The following HDAC9 variants were observed in gnomAD, a reference collection of about 807,000 sequenced individuals.
HDAC9 encodes histone deacetylase 9.
HDAC9 carries 41 observed loss-of-function variants against 139.4 expected under a neutral mutation model. The observed-to-expected ratio is 0.29, with a 90% confidence interval of 0.23 to 0.38. The LOEUF is 0.38. HDAC9 is among the 10% of genes least tolerant of loss of function. The pLI is 1.00. For synonymous variants in HDAC9, 517 were observed against 476.2 expected (o/e 1.09, Z -1.12); for missense variants, 1,147 against 1,297.0 (o/e 0.88, Z 1.78).
intron 2 of HDAC9, among the ~76,000 whole-genome samples, chr7:18,195,584 T>G (rs1790667356): frequency 6.6e-6 from 1 of 152,144 alleles, no homozygotes; most frequent in Non-Finnish European, 1.5e-5. Context: ...CAATTTCACC[T>G]ATACTCTAGG....
intron 1 of HDAC9, among the ~76,000 whole-genome samples, chr7:18,388,573 A>T (rs1455587306): frequency 6.6e-6 from 1 of 152,186 alleles, no homozygotes; most frequent in Non-Finnish European, 1.5e-5. Flanking sequence ...GTTCTGATAT[A>T]TTGCTTCTAG....
chr7:18,983,843 T>G (rs976096420), intron 25 of HDAC9, among the ~76,000 whole-genome samples: 8 of 152,156 alleles, frequency 5.3e-5, no homozygotes, highest in Admixed American at 5.2e-4. Context: ...AAAGCCATAC[T>G]CATGTCCACA....
intron 12 of HDAC9, among the ~76,000 whole-genome samples, chr7:18,681,259 G>A (rs541158976): frequency 6.6e-6 from 1 of 152,026 alleles, no homozygotes; most frequent in South Asian, 2.1e-4. Flanking sequence ...TTTCGTTTTT[G>A]AATTAGAATA....
chr7:18,982,020 A>G lies in HDAC9; in HGVS notation c.3170+6067A>G, dbSNP rs1299188686. On this transcript the variant is annotated intron_variant, in intron 25 of 25. Coordinates refer to ENST00000686413, the MANE Select transcript of HDAC9 (RefSeq NM_178425.4). Reference sequence around the variant, plus strand: ...AAATCACAGAACCAGGGAGAAGAGAATCAGGGTGGAAGAATGTGTAGATTT... The same window carrying G: ...AAATCACAGAACCAGGGAGAAGAGAGTCAGGGTGGAAGAATGTGTAGATTT... Among the ~76,000 whole-genome samples the G allele has an allele frequency of 3.3e-5, 5 of 152,308 alleles. No homozygotes were observed. The East Asian group carries it at 7.7e-4, about 24-fold the overall frequency.
chr7:18,558,374 C>G (rs1819532898), intron 2 of HDAC9, among the ~76,000 whole-genome samples: 2 of 152,106 alleles, frequency 1.3e-5, no homozygotes, highest in Admixed American at 1.3e-4. Context: ...AATAAAAATG[C>G]TATCTCAAGG....
intron 2 of HDAC9, among the ~76,000 whole-genome samples, chr7:18,219,074 A>T (rs577996958): frequency 1.8e-4 from 27 of 152,300 alleles, no homozygotes; most frequent in African/African-American, 6.5e-4. Context: ...ACTAGGTACA[A>T]TATTTTAAAA....
At chr7:18,387,015 A>C (rs1451607445) in intron 1 of HDAC9, among the ~76,000 whole-genome samples, 1 of 152,186 alleles carries the variant, frequency 6.6e-6, no homozygotes, top group East Asian at 1.9e-4. Flanking sequence ...CTGGCCTTTC[A>C]TGAAGATTGC....
intron 1 of HDAC9, among the ~76,000 whole-genome samples, chr7:18,138,445 G>C (rs901573003): frequency 1.3e-5 from 2 of 152,100 alleles, no homozygotes; most frequent in Non-Finnish European, 2.9e-5. Context: ...GATGGAGGGA[G>C]TGTGGAATAG....
intron 22 of HDAC9, among the ~76,000 whole-genome samples, chr7:18,902,041 C>T (rs1194117223): frequency 1.3e-5 from 2 of 152,178 alleles, no homozygotes; most frequent in Non-Finnish European, 2.9e-5. Context: ...TCAGTCACAA[C>T]TGCATTGTGC....
intron 12 of HDAC9, among the ~76,000 whole-genome samples, chr7:18,711,008 A>T (rs115124854): frequency 6.6e-6 from 1 of 152,240 alleles, no homozygotes; most frequent in African/African-American, 2.4e-5. Context: ...CATCTTCTGA[A>T]TATCTTCTGC....
At chr7:18,708,628 G>A (rs1784115871) in intron 12 of HDAC9, among the ~76,000 whole-genome samples, 3 of 152,156 alleles carry the variant, frequency 2.0e-5, no homozygotes, top group African/African-American at 7.2e-5. Flanking sequence ...AGCCAGGTGA[G>A]GTCTACAAGT....
chr7:18,707,720 TCTC>T (rs60400778), intron 12 of HDAC9, among the ~76,000 whole-genome samples: 2,071 of 152,266 alleles, frequency 0.014, 48 homozygotes, highest in African/African-American at 0.047. Context: ...TGTAAATTAA[TCTC>T]CAAATGTTCT....
At chr7:18,487,591 A>T (rs1796067199) in intron 1 of HDAC9, among the ~76,000 whole-genome samples, 1 of 152,066 alleles carries the variant, frequency 6.6e-6, no homozygotes, top group African/African-American at 2.4e-5. Flanking sequence ...AAATGTTTGT[A>T]TTTAGTTATA....
At chr7:18,582,712 G>A (rs1405616) in intron 2 of HDAC9, among the ~76,000 whole-genome samples, 1,759 of 152,122 alleles carry the variant, frequency 0.012, 35 homozygotes, top group African/African-American at 0.04. Context: ...TAAATAATAC[G>A]ACATTGAACT....
chr7:18,869,476 C>T (rs1798750564), intron 21 of HDAC9, among the ~76,000 whole-genome samples: 1 of 152,064 alleles, frequency 6.6e-6, no homozygotes, highest in African/African-American at 2.4e-5. Flanking sequence ...CTAGCAGATG[C>T]CAGCATCATG....
At chr7:18,452,486 C>T (rs1302099145) in intron 1 of HDAC9, among the ~76,000 whole-genome samples, 3 of 152,044 alleles carry the variant, frequency 2.0e-5, no homozygotes, top group Non-Finnish European at 4.4e-5. Flanking sequence ...GAAGACCTGC[C>T]ATTTGCATAG....
At chr7:18,311,243 T>A (rs979838582) in intron 1 of HDAC9, among the ~76,000 whole-genome samples, 1 of 152,068 alleles carries the variant, frequency 6.6e-6, no homozygotes, top group Non-Finnish European at 1.5e-5. Context: ...AGCCTACTTA[T>A]GACAAAAGCC....
chr7:18,773,586 C>T (rs1018849705), intron 16 of HDAC9, among the ~76,000 whole-genome samples: 19 of 151,888 alleles, frequency 1.3e-4, no homozygotes, highest in African/African-American at 3.9e-4. Context: ...TAAATAAAAG[C>T]TGAGAAAGTA....
intron 2 of HDAC9, among the ~76,000 whole-genome samples, chr7:18,573,608 G>A (rs77875507): frequency 0.012 from 1,886 of 152,346 alleles, 16 homozygotes; most frequent in Middle Eastern, 0.037. Flanking sequence ...TGAGGGGTGT[G>A]TGTGTGATTG....
Sources: allele counts gnomAD v4.1 joint callset (sites outside exome capture counted in the v4.1 genomes callset), GRCh38; gene constraint gnomAD v4.1.1; transcripts MANE v1.5; gene names NCBI Gene and HGNC (gene_info 2026-07-23, HGNC 2026-07-21).